PROS1: variants seen among roughly 807,000 people sequenced by gnomAD.
PROS1 encodes the protein protein S.
PROS1 carries 29 observed loss-of-function variants against 75.9 expected under a neutral mutation model. The ratio of observed to expected loss-of-function variants is 0.38; its 90% CI spans 0.28 to 0.52. The LOEUF is 0.52. Ranked by LOEUF, PROS1 falls within the 20% of genes least tolerant of loss-of-function variation. The pLI is 0.83. For missense variants in PROS1, 680 were observed against 810.3 expected (o/e 0.84, Z 1.95); for synonymous variants, 245 against 280.6 (o/e 0.87, Z 1.27).
chr3:93,876,119 G>A (rs1479985924), intron 14 of PROS1, among the ~76,000 whole-genome samples: 1 of 152,016 alleles, frequency 6.6e-6, no homozygotes, highest in African/African-American at 2.4e-5. Context: ...TCTATTTACT[G>A]TCCATCATCT....
At chr3:93,896,500 C>G (rs1287389594) in intron 9 of PROS1, 76 bp downstream of exon 9, 3 of 1,093,358 alleles carry the variant, frequency 2.7e-6, no homozygotes, top group Non-Finnish European at 4.2e-6. Flanking sequence ...TCACACACTT[C>G]AAACCTTTTC....
intron 9 of PROS1, among the ~76,000 whole-genome samples, chr3:93,896,307 T>C (rs944778551): frequency 5.3e-5 from 8 of 152,158 alleles, no homozygotes; most frequent in African/African-American, 1.2e-4. Flanking sequence ...TTAGTAAATA[T>C]GCATTTTCTA....
chr3:93,921,232 G>A (rs1190301669), intron 3 of PROS1, among the ~76,000 whole-genome samples: 5 of 152,084 alleles, frequency 3.3e-5, no homozygotes, highest in Non-Finnish European at 7.4e-5. Flanking sequence ...AATTCTACTT[G>A]ATCATGATAT....
chr3:93,914,537 C>T (rs1202669432), intron 3 of PROS1, among the ~76,000 whole-genome samples: 2 of 152,112 alleles, frequency 1.3e-5, no homozygotes, highest in African/African-American at 2.4e-5. Context: ...CCTGCAGGTG[C>T]CCCTCTGGAA....
intron 1 of PROS1, among the ~76,000 whole-genome samples, chr3:93,935,770 G>A (rs935205626): frequency 1.3e-5 from 2 of 151,908 alleles, no homozygotes; most frequent in African/African-American, 4.8e-5. Context: ...GTTTCTACCA[G>A]CATCTCAGAA....
chr3:93,885,348 C>T (rs1312178091), intron 11 of PROS1, among the ~76,000 whole-genome samples: 1 of 152,156 alleles, frequency 6.6e-6, no homozygotes, highest in Non-Finnish European at 1.5e-5. Context: ...GCCTCAGCCT[C>T]CTGAGTAGCT....
intron 14 of PROS1, among the ~76,000 whole-genome samples, chr3:93,876,311 T>G (rs908310218): frequency 2.1e-4 from 32 of 152,196 alleles, no homozygotes; most frequent in African/African-American, 7.7e-4. Flanking sequence ...ATACTACAAC[T>G]ATTGTCACTG....
At chr3:93,925,770 C>T (rs1374259109) in intron 2 of PROS1, among the ~76,000 whole-genome samples, 1 of 149,272 alleles carries the variant, frequency 6.7e-6, no homozygotes, top group Non-Finnish European at 1.5e-5. Flanking sequence ...CTGCAGTGAA[C>T]CATGATCATG....
chr3:93,951,587 T>C (rs796761271), intron 1 of PROS1, among the ~76,000 whole-genome samples: 5 of 152,276 alleles, frequency 3.3e-5, no homozygotes, highest in African/African-American at 1.2e-4. Context: ...CAAGAGCTCC[T>C]GAGGGAAGCA....
chr3:93,947,487 C>A (rs1709422698), intron 1 of PROS1, among the ~76,000 whole-genome samples: 1 of 152,032 alleles, frequency 6.6e-6, no homozygotes, highest in Non-Finnish European at 1.5e-5. Flanking sequence ...TCTGGGATGA[C>A]AAAGAGCAGG....
intron 1 of PROS1, among the ~76,000 whole-genome samples, chr3:93,973,080 C>T (rs1176389386): frequency 6.6e-6 from 1 of 152,092 alleles, no homozygotes; most frequent in Non-Finnish European, 1.5e-5. Context: ...TTAAAAAATC[C>T]TCAGTACAAA....
At chr3:93,925,210 A>G (rs1708999635) in intron 2 of PROS1, among the ~76,000 whole-genome samples, 1 of 152,230 alleles carries the variant, frequency 6.6e-6, no homozygotes, top group South Asian at 2.1e-4. Flanking sequence ...TACCATTAAC[A>G]GCACAAGAAT....
intron 10 of PROS1, among the ~76,000 whole-genome samples, chr3:93,889,731 C>T (rs1708402906): frequency 6.6e-6 from 1 of 152,158 alleles, no homozygotes; most frequent in Non-Finnish European, 1.5e-5. Context: ...TAATTTCTTA[C>T]ACCTGTCTTA....
intron 10 of PROS1, 31 bp from the exon 11 acceptor site, chr3:93,886,534 C>G: frequency 6.7e-7 from 1 of 1,500,212 alleles, no homozygotes; most frequent in Non-Finnish European, 9.3e-7. Context: ...TACCAAATAA[C>G]CAAGTATTAC....
chr3:93,930,382 A>G (rs535131727), intron 1 of PROS1, among the ~76,000 whole-genome samples: 1 of 152,346 alleles, frequency 6.6e-6, no homozygotes, highest in East Asian at 1.9e-4. Flanking sequence ...GACTTTTTGA[A>G]CTTTACAGCA....
intron 1 of PROS1, among the ~76,000 whole-genome samples, chr3:93,962,526 C>T (rs2107262573): frequency 6.6e-6 from 1 of 152,298 alleles, no homozygotes; most frequent in South Asian, 2.1e-4. Flanking sequence ...AATAACTACA[C>T]TGAAGAGAAA....
intron 9 of PROS1, among the ~76,000 whole-genome samples, chr3:93,895,366 T>G (rs1381374471): frequency 6.6e-6 from 1 of 152,180 alleles, no homozygotes; most frequent in Non-Finnish European, 1.5e-5. Context: ...ATCTCTATCA[T>G]TAGAAGATAT....
intron 14 of PROS1, among the ~76,000 whole-genome samples, chr3:93,876,354 C>G (rs563582253): frequency 6.6e-6 from 1 of 152,048 alleles, no homozygotes; most frequent in South Asian, 2.1e-4. Context: ...TTTGGGAGGC[C>G]GAGGCGAGCG....
Position 93,874,220 on chromosome 3 carries a change from G to C in PROS1, c.*25C>G. ...AAGTATAATTACACACAAGGAAAAGGTATTATAAGCAGAGAAAAGATGCCT... is the reference window on the plus strand; with the variant it reads ...AAGTATAATTACACACAAGGAAAAGCTATTATAAGCAGAGAAAAGATGCCT... On this transcript the variant is annotated 3_prime_UTR_variant, in exon 15 of 15. Coordinates refer to ENST00000394236, the MANE Select transcript of PROS1 (RefSeq NM_000313.4). The C allele has an allele frequency of 6.2e-7, 1 of 1,611,686 alleles. No individual in the cohort carries two copies. The highest frequency in any genetic ancestry group is 8.5e-7 in the Non-Finnish European group (1 of 1,178,000).
Sources: allele counts gnomAD v4.1 joint callset (sites outside exome capture counted in the v4.1 genomes callset), GRCh38; gene constraint gnomAD v4.1.1; transcripts MANE v1.5; gene names NCBI Gene and HGNC (gene_info 2026-07-23, HGNC 2026-07-21).